The following ASTN2 variants were observed in gnomAD, a reference collection of about 807,000 sequenced individuals.
ASTN2 encodes the protein astrotactin 2.
ASTN2 carries 54 observed loss-of-function variants against 139.8 expected under a neutral mutation model. The ratio of observed to expected loss-of-function variants is 0.39; its 90% CI spans 0.31 to 0.48. ASTN2 has a LOEUF of 0.48. ASTN2 is among the 20% of genes least tolerant of loss of function. The pLI, the probability that ASTN2 is intolerant of heterozygous loss-of-function variation, is 0.95. For missense variants in ASTN2, 1,565 were observed against 1,725.1 expected (o/e 0.91, Z 1.64); for synonymous variants, 756 against 719.5 (o/e 1.05, Z -0.81).
At chr9:117,282,617 G>A (rs916681364) in intron 2 of ASTN2, among the ~76,000 whole-genome samples, 2 of 135,350 alleles carry the variant, frequency 1.5e-5, no homozygotes, top group African/African-American at 3.9e-5. Flanking sequence ...GCCATGTGAT[G>A]TGCTTTGGCC....
chr9:117,005,280 G>C (rs190091054), intron 7 of ASTN2, among the ~76,000 whole-genome samples: 16 of 151,046 alleles, frequency 1.1e-4, no homozygotes, highest in South Asian at 4.2e-4. Flanking sequence ...TAGTAGACAG[G>C]GTTTCACCAT....
chr9:116,554,402 T>A (rs1852500714), intron 19 of ASTN2, among the ~76,000 whole-genome samples: 1 of 152,210 alleles, frequency 6.6e-6, no homozygotes. Flanking sequence ...TTTGCTGTGA[T>A]CAGAAGCCGG....
chr9:116,592,751 T>G (rs1441447299), intron 19 of ASTN2, among the ~76,000 whole-genome samples: 2 of 152,192 alleles, frequency 1.3e-5, no homozygotes, highest in Non-Finnish European at 2.9e-5. Context: ...CAAAGATGAC[T>G]GAATTCAACC....
At chr9:117,240,833 C>T (rs1010346634) in intron 2 of ASTN2, among the ~76,000 whole-genome samples, 2 of 152,246 alleles carry the variant, frequency 1.3e-5, no homozygotes, top group East Asian at 1.9e-4. Context: ...GACTTAGGAC[C>T]TAAGCCATGC....
chr9:116,646,144 C>T (rs1857578054), intron 17 of ASTN2, among the ~76,000 whole-genome samples: 1 of 152,172 alleles, frequency 6.6e-6, no homozygotes, highest in South Asian at 2.1e-4. Context: ...CATCCAAACC[C>T]AAGCCGGTAG....
chr9:117,203,961 C>T (rs950571511), intron 3 of ASTN2, among the ~76,000 whole-genome samples: 13 of 152,172 alleles, frequency 8.5e-5, no homozygotes, highest in Non-Finnish European at 1.6e-4. Context: ...GAAGGAGAGG[C>T]TAAGTCTGCT....
chr9:116,949,898 A>G (rs1041753430), intron 10 of ASTN2, among the ~76,000 whole-genome samples: 10 of 152,216 alleles, frequency 6.6e-5, no homozygotes, highest in African/African-American at 2.4e-4. Context: ...TGAGGATTAA[A>G]TAAGGCAACT....
At chr9:116,567,312 C>T (rs1231539878) in intron 19 of ASTN2, among the ~76,000 whole-genome samples, 3 of 152,196 alleles carry the variant, frequency 2.0e-5, no homozygotes, top group Non-Finnish European at 4.4e-5. Context: ...CTGTAGTGCA[C>T]CTCTGTGAGG....
Position 116,976,108 on chromosome 9 carries a change from A to C in ASTN2, c.1751+6T>G. The C allele has an allele frequency of 6.2e-7, 1 of 1,614,018 alleles. No homozygotes were observed. Among genetic ancestry groups the C allele is most frequent in the Non-Finnish European group, 8.5e-7 (1 of 1,179,922 alleles). Reference sequence around the variant, plus strand: ...GAATTATGCCCCAACAAGAAAGCCAACTCACCTGAGAATCTTTTCAGGGGC... The same window carrying C: ...GAATTATGCCCCAACAAGAAAGCCACCTCACCTGAGAATCTTTTCAGGGGC... On this transcript the variant is annotated splice_donor_region_variant and intron_variant, in intron 9 of 22. Transcript: ENST00000313400.
chr9:116,423,724 C>T lies in ASTN2; in HGVS notation c.*2127G>A, dbSNP rs970894867. Reference sequence around the variant, plus strand: ...AGATTGTGAGAGGTTGAGAAGCTTCCCAGGCACCAAGGTTGGAAGAATCTC... The same window carrying T: ...AGATTGTGAGAGGTTGAGAAGCTTCTCAGGCACCAAGGTTGGAAGAATCTC... On this transcript the variant is annotated 3_prime_UTR_variant, in exon 23 of 23. Transcript: ENST00000313400. Among the ~76,000 whole-genome samples, 13 of 152,000 alleles carry T rather than the reference C, an allele frequency of 8.6e-5. No individual in the cohort carries two copies. The highest frequency in any genetic ancestry group is 3.1e-4 in the African/African-American group (13 of 41,384).
intron 19 of ASTN2, chr9:116,543,924 T>A (rs1851982319): frequency 6.6e-6 from 1 of 152,216 alleles, no homozygotes; most frequent in Non-Finnish European, 1.5e-5. Flanking sequence ...CAGAATTCGT[T>A]ACTGCCCCTC....
intron 2 of ASTN2, among the ~76,000 whole-genome samples, chr9:117,279,607 T>C (rs1211518102): frequency 2.0e-5 from 3 of 152,212 alleles, no homozygotes; most frequent in African/African-American, 7.2e-5. Context: ...AACATTCTTG[T>C]TTTGGGTTTT....
At chr9:116,632,131 A>AG (rs1434125994) in intron 17 of ASTN2, among the ~76,000 whole-genome samples, 1 of 10,166 alleles carries the variant, frequency 9.8e-5, no homozygotes, top group African/African-American at 4.5e-4. Context: ...GAAAAAGAAG[A>AG]GAGAGAGAGA....
chr9:117,135,514 A>G (rs189667475), intron 4 of ASTN2, among the ~76,000 whole-genome samples: 17 of 152,316 alleles, frequency 1.1e-4, no homozygotes, highest in Admixed American at 8.5e-4. Context: ...ATATTCTTCC[A>G]TTAAACCAAT....
intron 5 of ASTN2, among the ~76,000 whole-genome samples, chr9:117,080,624 C>G (rs1473620287): frequency 1.3e-5 from 2 of 152,022 alleles, no homozygotes; most frequent in Non-Finnish European, 2.9e-5. Flanking sequence ...TTCTATGTCC[C>G]TTTAGTAGAA....
At chr9:117,235,890 G>A (rs568036192) in intron 2 of ASTN2, among the ~76,000 whole-genome samples, 1 of 152,240 alleles carries the variant, frequency 6.6e-6, no homozygotes, top group South Asian at 2.1e-4. Flanking sequence ...GTGAAACAGG[G>A]AGAAAACATA....
chr9:117,225,322 T>A (rs1282583044), intron 2 of ASTN2, among the ~76,000 whole-genome samples: 2 of 151,628 alleles, frequency 1.3e-5, no homozygotes, highest in Non-Finnish European at 2.9e-5. Context: ...GCCTCTCAAG[T>A]TCTGTCGCAA....
chr9:116,493,499 A>G (rs567956252), intron 19 of ASTN2, among the ~76,000 whole-genome samples: 1 of 152,184 alleles, frequency 6.6e-6, no homozygotes, highest in East Asian at 1.9e-4. Flanking sequence ...CCTTGCTCTC[A>G]TTACCTTCCA....
intron 10 of ASTN2, among the ~76,000 whole-genome samples, chr9:116,910,854 T>C (rs973546459): frequency 2.6e-5 from 4 of 152,166 alleles, no homozygotes; most frequent in Non-Finnish European, 5.9e-5. Flanking sequence ...AAATAGTCAT[T>C]CTGCAAAGTA....
Sources: gnomAD v4.1 joint callset for allele counts (sites outside exome capture counted in the v4.1 genomes callset) on GRCh38, gnomAD v4.1.1 for gene constraint, MANE v1.5 for transcripts, NCBI Gene and HGNC (gene_info 2026-07-23, HGNC 2026-07-21) for gene names.